Variants in RAPGEF5 observed in about 807,000 individuals in gnomAD.
RAPGEF5 encodes the protein Rap guanine nucleotide exchange factor 5.
A neutral mutation model predicts 125.2 loss-of-function variants in RAPGEF5; 65 were observed. That is an observed-to-expected ratio of 0.52 (90% CI 0.43 to 0.64). The LOEUF is 0.64. Among genes scored for constraint, RAPGEF5 ranks in the 30% least tolerant of loss-of-function variants. The pLI is 0.00. For synonymous variants in RAPGEF5, 391 were observed against 385.9 expected (o/e 1.01, Z -0.16); for missense variants, 958 against 1,048.1 (o/e 0.91, Z 1.19).
chr7:22,247,543 T>C (rs1786508578), intron 7 of RAPGEF5, among the ~76,000 whole-genome samples: 1 of 152,178 alleles, frequency 6.6e-6, no homozygotes, highest in Non-Finnish European at 1.5e-5. Context: ...AGGACATGCA[T>C]TTGCTTCTCC....
chr7:22,313,806 T>A (rs1224208558), intron 3 of RAPGEF5, among the ~76,000 whole-genome samples: 1 of 152,218 alleles, frequency 6.6e-6, no homozygotes, highest in Non-Finnish European at 1.5e-5. Context: ...AGAAGTCAGA[T>A]GTTTCTAAAG....
intron 17 of RAPGEF5, among the ~76,000 whole-genome samples, chr7:22,154,215 T>C (rs948776158): frequency 6.6e-6 from 1 of 152,204 alleles, no homozygotes; most frequent in East Asian, 1.9e-4. Flanking sequence ...AGCTTTATAA[T>C]GTATTTCAAA....
At chr7:22,294,459 G>T (rs1192771999) in intron 5 of RAPGEF5, among the ~76,000 whole-genome samples, 4 of 152,094 alleles carry the variant, frequency 2.6e-5, no homozygotes, top group African/African-American at 9.7e-5. Flanking sequence ...ATATCTAAGG[G>T]TGTCACTGTG....
At chr7:22,218,556 A>G (rs996715840) in intron 9 of RAPGEF5, among the ~76,000 whole-genome samples, 5 of 152,202 alleles carry the variant, frequency 3.3e-5, no homozygotes, top group African/African-American at 1.2e-4. Flanking sequence ...CTTGAAATCA[A>G]TAAAATATGG....
At chr7:22,199,503 T>G (rs1785226351) in intron 9 of RAPGEF5, among the ~76,000 whole-genome samples, 1 of 146,232 alleles carries the variant, frequency 6.8e-6, no homozygotes, top group African/African-American at 2.5e-5. Context: ...TGGCTAATTT[T>G]ATGTTATGTA....
At chr7:22,135,358 C>T (rs747038632) in intron 23 of RAPGEF5, among the ~76,000 whole-genome samples, 1 of 152,176 alleles carries the variant, frequency 6.6e-6, no homozygotes, top group African/African-American at 2.4e-5. Context: ...TGAATGTCAG[C>T]GGTATACACC....
At chr7:22,166,095 A>C (rs1784157008) in intron 12 of RAPGEF5, among the ~76,000 whole-genome samples, 1 of 146,814 alleles carries the variant, frequency 6.8e-6, no homozygotes. Flanking sequence ...ATATATATAT[A>C]TCATATATAT....
At chr7:22,170,853 G>A (rs1316821510) in intron 11 of RAPGEF5, among the ~76,000 whole-genome samples, 1 of 151,992 alleles carries the variant, frequency 6.6e-6, no homozygotes, top group Non-Finnish European at 1.5e-5. Context: ...AAACAATGAG[G>A]CTATATAAAA....
At chr7:22,341,402 A>T (rs1784126931) in intron 1 of RAPGEF5, among the ~76,000 whole-genome samples, 3 of 152,316 alleles carry the variant, frequency 2.0e-5, no homozygotes, top group Admixed American at 6.5e-5. Context: ...GCCAAACCAT[A>T]TCATTCCACC....
At chr7:22,260,089 C>CA (rs61052242) in intron 7 of RAPGEF5, among the ~76,000 whole-genome samples, 1,463 of 121,114 alleles carry the variant, frequency 0.012, 18 homozygotes, top group East Asian at 0.044. Flanking sequence ...AACTCCGTCT[C>CA]AAAAAAAAAA....
chr7:22,242,387 C>T (rs1786353393), intron 7 of RAPGEF5, among the ~76,000 whole-genome samples: 1 of 152,166 alleles, frequency 6.6e-6, no homozygotes, highest in Non-Finnish European at 1.5e-5. Context: ...CCTCCCCTTA[C>T]AAAAGGCAAA....
chr7:22,243,803 T>C (rs529382762), intron 7 of RAPGEF5, among the ~76,000 whole-genome samples: 1 of 152,308 alleles, frequency 6.6e-6, no homozygotes, highest in South Asian at 2.1e-4. Context: ...TCTATTCTTT[T>C]AGTAATTTTG....
intron 21 of RAPGEF5, among the ~76,000 whole-genome samples, chr7:22,137,226 T>C (rs970463623): frequency 2.0e-5 from 3 of 152,232 alleles, no homozygotes; most frequent in Admixed American, 2.0e-4. Context: ...AGGAATCTAG[T>C]TGGTTAGACA....
In RAPGEF5 at chr7:22,120,280, C is replaced by T. The variant is rs943574621; in HGVS notation, c.*2126G>A. 1 of 152,194 alleles carries T rather than the reference C, an allele frequency of 6.6e-6. No individual in the cohort carries two copies. The highest frequency in any genetic ancestry group is 2.4e-5 in the African/African-American group (1 of 41,434). The allele number at this position is 152,194 out of a possible 1,614,324, so 9.4% of individuals were successfully genotyped here. A position where few individuals can be genotyped will look rare whatever the true frequency, so the allele number is the denominator to read the frequency against. Reference sequence around the variant, plus strand: ...TCACTGTACAAAATGCATTTAAATACCACATTTGTGTAGCTTCATCTGGCT... The same window carrying T: ...TCACTGTACAAAATGCATTTAAATATCACATTTGTGTAGCTTCATCTGGCT... On this transcript the variant is annotated 3_prime_UTR_variant, in exon 26 of 26. Coordinates refer to ENST00000665637, the MANE Select transcript of RAPGEF5 (RefSeq NM_012294.5). The surrounding 1 kb of genome is among the most constrained non-coding windows in gnomAD (Gnocchi z 4.0).
chr7:22,227,034 A>G (rs1380518496), intron 8 of RAPGEF5, among the ~76,000 whole-genome samples: 1 of 151,590 alleles, frequency 6.6e-6, no homozygotes, highest in East Asian at 1.9e-4. Flanking sequence ...TTTACATAAT[A>G]TATAGTATTA....
At chr7:22,281,709 C>G (rs1782677256) in intron 6 of RAPGEF5, among the ~76,000 whole-genome samples, 1 of 152,268 alleles carries the variant, frequency 6.6e-6, no homozygotes, top group Admixed American at 6.5e-5. Flanking sequence ...TCAATGAAAC[C>G]AAGATAGCCA....
At chr7:22,243,610 T>C (rs1178081459) in intron 7 of RAPGEF5, among the ~76,000 whole-genome samples, 1 of 152,218 alleles carries the variant, frequency 6.6e-6, no homozygotes, top group Non-Finnish European at 1.5e-5. Context: ...TCTTAAGTTT[T>C]AATTTTTAAT....
intron 5 of RAPGEF5, among the ~76,000 whole-genome samples, chr7:22,302,049 A>G (rs1464940945): frequency 1.3e-5 from 2 of 152,214 alleles, no homozygotes; most frequent in African/African-American, 4.8e-5. Context: ...ATGCCTGGTA[A>G]GTAAGTCGCT....
At chr7:22,355,944 A>G (rs574219057) in intron 1 of RAPGEF5, 11 of 983,770 alleles carry the variant, frequency 1.1e-5, no homozygotes, top group Middle Eastern at 5.2e-4. Flanking sequence ...AAGACCACTT[A>G]ATAATAAATT....
Sources: allele counts gnomAD v4.1 joint callset (sites outside exome capture counted in the v4.1 genomes callset), GRCh38; gene constraint gnomAD v4.1.1; non-coding constraint Gnocchi (gnomAD v3.1); transcripts MANE v1.5; gene names NCBI Gene and HGNC (gene_info 2026-07-23, HGNC 2026-07-21).